SHTN1: variants seen among roughly 807,000 people sequenced by gnomAD.
SHTN1 encodes the protein shootin 1.
Under a neutral mutation model 83.1 loss-of-function variants are expected in SHTN1, and 42 were observed. That is an observed-to-expected ratio of 0.51 (90% CI 0.39 to 0.65). SHTN1 has a LOEUF of 0.65. Ranked by LOEUF, SHTN1 falls within the 30% of genes least tolerant of loss-of-function variation. The pLI, the probability that SHTN1 is intolerant of heterozygous loss-of-function variation, is 0.00. For synonymous variants in SHTN1, 224 were observed against 247.7 expected, an observed-to-expected ratio of 0.90 and a Z score of 0.90; for missense variants, 622 against 737.8, an observed-to-expected ratio of 0.84 and a Z score of 1.82.
chr10:117,006,158 C>T (rs1564928379), upstream of SHTN1, among the ~76,000 whole-genome samples: 1 of 152,068 alleles, frequency 6.6e-6, no homozygotes, highest in South Asian at 2.1e-4. Context: ...GTGATACCTA[C>T]TCTCAAGGAA....
chr10:117,086,139 G>C (rs555158107), intron 1 of SHTN1, among the ~76,000 whole-genome samples: 3 of 152,108 alleles, frequency 2.0e-5, no homozygotes, highest in Non-Finnish European at 4.4e-5. Context: ...AGGATGGTCT[G>C]TATCTCCTGA....
At chr10:116,965,334 T>C (rs992666830) in intron 3 of SHTN1, among the ~76,000 whole-genome samples, 1 of 152,118 alleles carries the variant, frequency 6.6e-6, no homozygotes, top group African/African-American at 2.4e-5. Context: ...CTGGCCAACA[T>C]GGTGAAACCC....
At chr10:116,996,361 G>C (rs1289434241) in intron 1 of SHTN1, among the ~76,000 whole-genome samples, 2 of 152,174 alleles carry the variant, frequency 1.3e-5, no homozygotes, top group East Asian at 1.9e-4. Flanking sequence ...CTTTGACCTG[G>C]AATCACTGAA....
At chr10:117,045,029 T>A (rs1852641017) in intron 2 of SHTN1, among the ~76,000 whole-genome samples, 1 of 152,222 alleles carries the variant, frequency 6.6e-6, no homozygotes, top group Non-Finnish European at 1.5e-5. Flanking sequence ...CAGGATATAC[T>A]GACAACTTAC....
At chr10:116,976,057 C>T (rs1254944969) in intron 2 of SHTN1, among the ~76,000 whole-genome samples, 10 of 152,286 alleles carry the variant, frequency 6.6e-5, no homozygotes, top group Admixed American at 4.6e-4. Context: ...AAAAGAACAT[C>T]GTGCTCAGAA....
chr10:116,901,161 A>C, intron 16 of SHTN1: 2 of 985,428 alleles, frequency 2.0e-6, no homozygotes, highest in Non-Finnish European at 2.4e-6. Context: ...TAATTTCAAA[A>C]AAGAGCTGCC....
chr10:117,005,025 G>C lies in SHTN1; in HGVS notation c.55C>G (p.Gln19Glu). 2 of 1,595,984 alleles carry C rather than the reference G, an allele frequency of 1.3e-6. No homozygotes were observed. Among genetic ancestry groups the C allele is most frequent in the Non-Finnish European group, 1.7e-6 (2 of 1,171,744 alleles). ...CTGGCGCCCGCGTGCTGCCTACCTT[G>C]CTCCTTCAGACTGGTAATGAGCTGC... ...QLQLITSLKEQAIGEYEDLRA... is the reference protein window; with the variant it reads ...QLQLITSLKEEAIGEYEDLRA... The change falls in exon 1 of 17, where the codon CAA becomes GAA. Residue 19 changes from glutamine to glutamate, a missense_variant. Transcript: ENST00000355371.
At chr10:117,035,977 C>T (rs975043482) in intron 2 of SHTN1, among the ~76,000 whole-genome samples, 6 of 137,170 alleles carry the variant, frequency 4.4e-5, no homozygotes, top group Admixed American at 2.9e-4. Flanking sequence ...AGGCAAAAGA[C>T]TTGAATCGAC....
In SHTN1 at chr10:116,881,825, TATG is replaced by T. The variant is rs372560227; in HGVS notation, c.*4516_*4518del. 5.3e-4 allele frequency: 295 copies of T among 552,136 alleles called. No individual in the cohort carries two copies. The highest frequency in any genetic ancestry group is 7.3e-4 in the Non-Finnish European group (258 of 352,428). 34.2% of individuals were successfully genotyped at this position (552,136 alleles called of 1,614,324 possible). A position where few individuals can be genotyped will look rare whatever the true frequency, so the allele number is the denominator to read the frequency against. ...ATTCCACTGTTTGGTAAATTACATA[TATG>T]ATGTTTTTGCCTGAAATTCTGTGAA... On this transcript the variant is annotated 3_prime_UTR_variant, in exon 17 of 17. Transcript: ENST00000355371.
chr10:116,972,587 C>G (rs1379866348), intron 2 of SHTN1, among the ~76,000 whole-genome samples: 1 of 152,214 alleles, frequency 6.6e-6, no homozygotes, highest in African/African-American at 2.4e-5. Flanking sequence ...TTTCATCTTT[C>G]CACCACACAG....
chr10:117,074,428 T>A (rs1853125679), intron 1 of SHTN1, among the ~76,000 whole-genome samples: 1 of 152,210 alleles, frequency 6.6e-6, no homozygotes, highest in African/African-American at 2.4e-5. Context: ...ATCCTTAATC[T>A]ATACTTCATG....
At chr10:117,018,114 A>G (rs1208477198) in intron 2 of SHTN1, among the ~76,000 whole-genome samples, 1 of 152,184 alleles carries the variant, frequency 6.6e-6, no homozygotes, top group African/African-American at 2.4e-5. Flanking sequence ...TGGAACAGAA[A>G]AAGGGCATTA....
chr10:116,986,949 G>C (rs990371045), intron 1 of SHTN1, among the ~76,000 whole-genome samples: 2 of 151,928 alleles, frequency 1.3e-5, no homozygotes, highest in African/African-American at 4.8e-5. Flanking sequence ...GGCTGGACTT[G>C]AATTCCTGAC....
At chr10:116,922,546 G>T (rs1317305104) in intron 11 of SHTN1, among the ~76,000 whole-genome samples, 1 of 152,036 alleles carries the variant, frequency 6.6e-6, no homozygotes, top group Non-Finnish European at 1.5e-5. Context: ...CCCAGAACTG[G>T]TAATAACTCA....
chr10:116,892,398 A>G (rs1847365929), intron 16 of SHTN1, among the ~76,000 whole-genome samples: 1 of 152,208 alleles, frequency 6.6e-6, no homozygotes, highest in Non-Finnish European at 1.5e-5. Flanking sequence ...TCATTTTCTT[A>G]AGCTTCGTTT....
intron 1 of SHTN1, among the ~76,000 whole-genome samples, chr10:117,067,593 T>TA (rs1853020757): frequency 1.3e-5 from 2 of 151,450 alleles, no homozygotes; most frequent in Non-Finnish European, 2.9e-5. Context: ...AAACTCCATC[T>TA]AAAAAAAAAT....
At chr10:117,034,617 G>A (rs897687360) in intron 2 of SHTN1, among the ~76,000 whole-genome samples, 3 of 151,570 alleles carry the variant, frequency 2.0e-5, no homozygotes, top group African/African-American at 7.3e-5. Flanking sequence ...CTCTAGCCTG[G>A]GCAACAGAGC....
intron 2 of SHTN1, among the ~76,000 whole-genome samples, chr10:117,036,409 G>A (rs1326138320): frequency 6.6e-6 from 1 of 152,120 alleles, no homozygotes; most frequent in Non-Finnish European, 1.5e-5. Flanking sequence ...CAGATGAATG[G>A]ATAAAGAAAA....
intron 2 of SHTN1, among the ~76,000 whole-genome samples, chr10:117,047,914 A>AAC (rs1481026109): frequency 6.6e-6 from 1 of 151,600 alleles, no homozygotes; most frequent in Non-Finnish European, 1.5e-5. Context: ...AAAAAAAAAA[A>AAC]AAAATTATTA....
Sources: allele counts gnomAD v4.1 joint callset (sites outside exome capture counted in the v4.1 genomes callset), GRCh38; gene constraint gnomAD v4.1.1; transcripts MANE v1.5; gene names NCBI Gene and HGNC (gene_info 2026-07-23, HGNC 2026-07-21).